The following IPO5 variants were observed in gnomAD, a reference collection of about 807,000 sequenced individuals.
The protein encoded by IPO5 is importin-5.
Under a neutral mutation model 143.3 loss-of-function variants are expected in IPO5, and 18 were observed. The ratio of observed to expected loss-of-function variants is 0.13; its 90% CI spans 0.09 to 0.19. The LOEUF (loss-of-function observed/expected upper bound fraction) is 0.19. Ranked by LOEUF, IPO5 falls within the 10% of genes least tolerant of loss-of-function variation. The pLI, the probability that IPO5 is intolerant of heterozygous loss-of-function variation, is 1.00. For missense variants in IPO5, 1,013 were observed against 1,336.9 expected, an observed-to-expected ratio of 0.76 and a Z score of 3.78; for synonymous variants, 477 against 465.7, an observed-to-expected ratio of 1.02 and a Z score of -0.31.
In IPO5 at chr13:98,017,232, G is replaced by A. The variant is rs372166726; in HGVS notation, c.2616+381G>A. On this transcript the variant is annotated intron_variant, in intron 25 of 28. Transcript: ENST00000651721. The stretch of plus-strand genomic sequence containing the variant: ...GTACTACCAGCAATCATGGATTATG[G>A]ATAATGGGCATATATATATATATAT... Among the ~76,000 whole-genome samples, 7 of 149,290 alleles carry A rather than the reference G, an allele frequency of 4.7e-5. 1 individual carries two copies. Among genetic ancestry groups the A allele is most frequent in the African/African-American group, 1.7e-4 (7 of 40,666 alleles).
chr13:97,969,169 A>ATTT (rs1566454631), intron 2 of IPO5, among the ~76,000 whole-genome samples: 9 of 72,302 alleles, frequency 1.2e-4, no homozygotes, highest in African/African-American at 6.6e-4. Context: ...ATATATATAT[A>ATTT]TATATATTTT....
Position 97,962,676 on chromosome 13 carries a change from G to C in IPO5, c.-112-7047G>C, listed in dbSNP as rs187278574. Among the ~76,000 whole-genome samples, 785 of 152,160 alleles carry C rather than the reference G, an allele frequency of 5.2e-3. 3 individuals are homozygous for C. Among genetic ancestry groups the C allele is most frequent in the Non-Finnish European group, 9.2e-3 (627 of 68,014 alleles). Reference sequence around the variant, plus strand: ...CTATTAAAAATACAAAAAATTAGCTGGGTATGGTGAGGCACATCCGTAGTC... The same window carrying C: ...CTATTAAAAATACAAAAAATTAGCTCGGTATGGTGAGGCACATCCGTAGTC... On this transcript the variant is annotated intron_variant, in intron 2 of 28. Transcript: ENST00000651721.
chr13:98,018,747 C>G (rs1260363988), intron 26 of IPO5, 43 bp downstream of exon 26: 2 of 1,381,078 alleles, frequency 1.4e-6, no homozygotes, highest in Admixed American at 3.4e-5. Flanking sequence ...TTCCAGACAT[C>G]CTGTGAATCC....
intron 16 of IPO5, among the ~76,000 whole-genome samples, 157 bp from the exon 17 acceptor site, chr13:98,005,973 G>T (rs551301995): frequency 6.6e-6 from 1 of 152,256 alleles, no homozygotes; most frequent in South Asian, 2.1e-4. Context: ...TCTTTTTATA[G>T]AAATTTCCTC....
intron 6 of IPO5, chr13:97,987,140 C>A: frequency 5.9e-6 from 1 of 168,078 alleles, no homozygotes; most frequent in African/African-American, 2.4e-5. Flanking sequence ...TCCAACAGGG[C>A]CTGGTTCCTG....
chr13:97,983,547 C>T (rs1199100954), intron 5 of IPO5, among the ~76,000 whole-genome samples: 4 of 126,648 alleles, frequency 3.2e-5, no homozygotes, highest in Non-Finnish European at 4.9e-5. Context: ...ACCCCCCCCC[C>T]CCACCGTCCC....
At chr13:97,973,198 A>G (rs1201016721) in intron 3 of IPO5, among the ~76,000 whole-genome samples, 2 of 151,650 alleles carry the variant, frequency 1.3e-5, no homozygotes, top group Non-Finnish European at 2.9e-5. Flanking sequence ...ATGCGCCACC[A>G]TACCCAGCTG....
chr13:97,975,882 C>T, intron 3 of IPO5: 3 of 984,710 alleles, frequency 3.0e-6, no homozygotes, highest in Non-Finnish European at 3.6e-6. Flanking sequence ...AACCCCTCTT[C>T]CGGGCAAGCC....
intron 4 of IPO5, chr13:97,977,118 C>T (rs956615631): frequency 3.2e-5 from 5 of 157,720 alleles, no homozygotes; most frequent in Non-Finnish European, 7.0e-5. Flanking sequence ...TTCCCAGCTC[C>T]CCGCTTGCCC....
At chr13:98,015,093 T>C (rs940646056) in intron 22 of IPO5, among the ~76,000 whole-genome samples, 2 of 152,218 alleles carry the variant, frequency 1.3e-5, no homozygotes, top group Non-Finnish European at 2.9e-5. Context: ...CTCCTGTAAT[T>C]CAGAATTGCT....
At chr13:98,008,000 A>G in intron 17 of IPO5, 59 bp from the exon 18 acceptor site, 3 of 1,046,312 alleles carry the variant, frequency 2.9e-6, no homozygotes, top group Non-Finnish European at 4.4e-6. Flanking sequence ...AAGCTTTGCT[A>G]ATTACACAAG....
At chr13:97,977,532 C>CCA (rs1886481244) in intron 4 of IPO5, among the ~76,000 whole-genome samples, 2 of 152,150 alleles carry the variant, frequency 1.3e-5, no homozygotes, top group African/African-American at 2.4e-5. Flanking sequence ...GTGGGACTTC[C>CCA]GTTGTTTAAC....
At chr13:97,981,048 GC>G (rs1408716010) in intron 4 of IPO5, among the ~76,000 whole-genome samples, 4 of 152,126 alleles carry the variant, frequency 2.6e-5, no homozygotes, top group Admixed American at 2.6e-4. Context: ...TTTGCATTCA[GC>G]TTGTGAATAT....
chr13:97,971,718 G>A (rs1460760393), intron 3 of IPO5, among the ~76,000 whole-genome samples: 1 of 152,168 alleles, frequency 6.6e-6, no homozygotes, highest in African/African-American at 2.4e-5. Context: ...GGAGGCCGAG[G>A]TAGGAGGATC....
At chr13:98,001,204 A>G (rs539180278) in intron 13 of IPO5, among the ~76,000 whole-genome samples, 9 of 152,150 alleles carry the variant, frequency 5.9e-5, no homozygotes, top group African/African-American at 2.2e-4. Flanking sequence ...TGAATATTTC[A>G]GTTACCTTTG....
At chr13:98,000,497 G>C (rs1380077608) in intron 12 of IPO5, 42 bp from the exon 13 acceptor site, 1 of 1,242,512 alleles carries the variant, frequency 8.0e-7, no homozygotes, top group South Asian at 1.2e-5. Flanking sequence ...TTTCTTTTGT[G>C]TTTCAGATAT....
chr13:97,959,349 G>A (rs1884690338), intron 2 of IPO5, among the ~76,000 whole-genome samples: 1 of 151,890 alleles, frequency 6.6e-6, no homozygotes, highest in African/African-American at 2.4e-5. Flanking sequence ...ACTTGTTTTT[G>A]CCTCTGTCCT....
At chr13:97,996,184 G>A (rs1888270062) in intron 11 of IPO5, among the ~76,000 whole-genome samples, 1 of 151,960 alleles carries the variant, frequency 6.6e-6, no homozygotes, top group African/African-American at 2.4e-5. Flanking sequence ...CAAGTAGCTG[G>A]GACTACAGGC....
intron 9 of IPO5, among the ~76,000 whole-genome samples, chr13:97,992,266 G>A (rs1329370934): frequency 6.6e-6 from 1 of 152,150 alleles, no homozygotes; most frequent in African/African-American, 2.4e-5. Flanking sequence ...TTCTGAAATA[G>A]ATAATGATAA....
Sources: allele counts gnomAD v4.1 joint callset (sites outside exome capture counted in the v4.1 genomes callset), GRCh38; gene constraint gnomAD v4.1.1; transcripts MANE v1.5; gene names NCBI Gene and HGNC (gene_info 2026-07-23, HGNC 2026-07-21).